The following IMPG1 variants were observed in gnomAD, a reference collection of about 807,000 sequenced individuals.
IMPG1 encodes the protein interphotoreceptor matrix proteoglycan of 150 kDa.
Under a neutral mutation model 92.0 loss-of-function variants are expected in IMPG1, and 85 were observed. The ratio of observed to expected loss-of-function variants is 0.92; its 90% CI spans 0.78 to 1.11. IMPG1 has a LOEUF of 1.11. IMPG1 is among the 50% of genes least tolerant of loss of function. The probability of loss-of-function intolerance (pLI) is 0.00; values close to 1 mark genes in which losing one functional copy is unlikely to be tolerated. For synonymous variants in IMPG1, 367 were observed against 334.1 expected, an observed-to-expected ratio of 1.10 and a Z score of -1.08; for missense variants, 1,022 against 956.0, an observed-to-expected ratio of 1.07 and a Z score of -0.91.
intron 13 of IMPG1, among the ~76,000 whole-genome samples, chr6:75,949,101 A>G (rs111606354): frequency 0.017 from 2,649 of 152,332 alleles, 92 homozygotes; most frequent in African/African-American, 0.059. Flanking sequence ...GCAGCTTAGC[A>G]TGAACCCTAA....
intron 15 of IMPG1, among the ~76,000 whole-genome samples, chr6:75,924,581 TATA>T (rs1781498425): frequency 2.9e-5 from 1 of 34,940 alleles, no homozygotes; most frequent in Non-Finnish European, 5.9e-5. Context: ...ATATAATTAA[TATA>T]ATTATATATT....
chr6:76,003,969 A>G lies in IMPG1; in HGVS notation c.1136-19T>C. The G allele has an allele frequency of 2.5e-6, 4 of 1,589,128 alleles. No individual in the cohort carries two copies. Among genetic ancestry groups the G allele is most frequent in the Non-Finnish European group, 3.4e-6 (4 of 1,160,118 alleles). On this transcript the variant is annotated intron_variant, in intron 10 of 16. Coordinates refer to ENST00000369950, the MANE Select transcript of IMPG1 (RefSeq NM_001563.4). ...GCAATTTCTATGGGTAAAAAATCAC[A>G]AGATTTGAATGTATCTTTCCTTTTT...
intron 13 of IMPG1, among the ~76,000 whole-genome samples, chr6:75,950,345 G>T (rs769235815): frequency 2.0e-5 from 3 of 152,114 alleles, no homozygotes; most frequent in Non-Finnish European, 4.4e-5. Context: ...TTACAGATTG[G>T]GTGGCGGTGT....
At chr6:76,041,866 G>T (rs768191973) in intron 2 of IMPG1, 27 bp downstream of exon 2, 2 of 1,443,986 alleles carry the variant, frequency 1.4e-6, no homozygotes, top group African/African-American at 1.4e-5. Context: ...ATAACACAAG[G>T]CTAAACGGTT....
chr6:75,928,263 G>C (rs1361208010), intron 15 of IMPG1, among the ~76,000 whole-genome samples: 1 of 151,416 alleles, frequency 6.6e-6, no homozygotes, highest in Non-Finnish European at 1.5e-5. Context: ...GCAATGGCGT[G>C]ATCTTGGCTC....
chr6:76,063,657 A>G (rs1425012194), intron 1 of IMPG1, among the ~76,000 whole-genome samples: 1 of 152,204 alleles, frequency 6.6e-6, no homozygotes, highest in Non-Finnish European at 1.5e-5. Flanking sequence ...CATCCATTGA[A>G]TGACTGAGTT....
At chr6:75,998,361 T>A (rs142028039) in intron 12 of IMPG1, among the ~76,000 whole-genome samples, 2 of 152,310 alleles carry the variant, frequency 1.3e-5, no homozygotes, top group East Asian at 1.9e-4. Flanking sequence ...CCTGACCACA[T>A]GGAACATTAG....
At chr6:76,026,300 T>A (rs1456041105) in intron 4 of IMPG1, among the ~76,000 whole-genome samples, 1 of 152,140 alleles carries the variant, frequency 6.6e-6, no homozygotes, top group Non-Finnish European at 1.5e-5. Flanking sequence ...CTGCAACATT[T>A]TTTGGCGCCC....
rs1562354905 is a variant in IMPG1 at position 75,974,401 on chromosome 6, T to TTTCTTTCC, written c.1292-23308_1292-23307insGGAAAGAA. Among the ~76,000 whole-genome samples, 38 of 92,824 alleles carry TTTCTTTCC rather than the reference T, an allele frequency of 4.1e-4. 2 individuals carry two copies. The highest frequency in any genetic ancestry group is 1.5e-3 in the African/African-American group (38 of 25,810). The allele number at this position is 92,824 out of a possible 152,430, so 60.9% of individuals were successfully genotyped here. ...TTTCTTTCTTTCTTTCTTTTCTTTCTTTCCTTCCTTCCTTCCTTCCTTCCT... is the reference window on the plus strand; with the variant it reads ...TTTCTTTCTTTCTTTCTTTTCTTTCTTTCTTTCCTTCCTTCCTTCCTTCCTTCCTTCCT... On this transcript the variant is annotated intron_variant, in intron 12 of 16. Transcript: ENST00000369950.
At chr6:76,025,528 T>C (rs1021861616) in intron 4 of IMPG1, among the ~76,000 whole-genome samples, 2 of 152,186 alleles carry the variant, frequency 1.3e-5, no homozygotes, top group African/African-American at 4.8e-5. Context: ...GGTTCTGTGG[T>C]AGGCAAAGCT....
chr6:75,943,359 T>A (rs1781865649), intron 14 of IMPG1, among the ~76,000 whole-genome samples: 1 of 152,110 alleles, frequency 6.6e-6, no homozygotes, highest in African/African-American at 2.4e-5. Flanking sequence ...TAGATTAATG[T>A]CCTCCCTGGG....
In IMPG1 at chr6:76,039,356, GTT is replaced by G. The variant is rs34625575; in HGVS notation, c.301+2535_301+2536del. On this transcript the variant is annotated intron_variant, in intron 2 of 16. Transcript: ENST00000369950. ...TTAAATGTGAAAGAAAGATCTAGCTGTTTTTTTTTTTTTTTTTGGGACGGAGT... is the reference window on the plus strand; with the variant it reads ...TTAAATGTGAAAGAAAGATCTAGCTGTTTTTTTTTTTTTTTGGGACGGAGT... Among the ~76,000 whole-genome samples the G allele has an allele frequency of 8.4e-4, 112 of 133,508 alleles. No individual in the cohort carries two copies. The Middle Eastern group carries it at 0.011, about 14-fold the overall frequency. The allele number at this position is 133,508 out of a possible 152,430, so 87.6% of individuals were successfully genotyped here.
At chr6:76,013,333 A>G (rs1189377771) in intron 7 of IMPG1, among the ~76,000 whole-genome samples, 1 of 152,054 alleles carries the variant, frequency 6.6e-6, no homozygotes, top group African/African-American at 2.4e-5. Context: ...CTTGTCCTTT[A>G]CTGACACTAA....
At chr6:75,936,689 T>A (rs543273903) in intron 14 of IMPG1, among the ~76,000 whole-genome samples, 1 of 152,242 alleles carries the variant, frequency 6.6e-6, no homozygotes, top group African/African-American at 2.4e-5. Flanking sequence ...GGATGTGAGG[T>A]TGAAGAATTG....
chr6:76,018,876 A>AG lies in IMPG1; in HGVS notation c.667-19_667-18insC. The AG allele has an allele frequency of 6.4e-7, 1 of 1,568,554 alleles. No individual in the cohort carries two copies. The highest frequency in any genetic ancestry group is 8.6e-7 in the Non-Finnish European group (1 of 1,161,634). On this transcript the variant is annotated intron_variant, in intron 6 of 16. Transcript: ENST00000369950. ...TCTCTTTCCTGAGTTTAAAAAAAAAAAAAAGGACTTCTGTTAACCTAAACC... is the reference window on the plus strand; with the variant it reads ...TCTCTTTCCTGAGTTTAAAAAAAAAAGAAAAGGACTTCTGTTAACCTAAACC...
chr6:75,964,670 A>G (rs1782272796), intron 12 of IMPG1, among the ~76,000 whole-genome samples: 1 of 118,574 alleles, frequency 8.4e-6, no homozygotes, highest in Non-Finnish European at 1.7e-5. Context: ...GAGTGAGACT[A>G]GTCTCAAAAA....
chr6:76,062,532 G>A (rs1025175769), intron 1 of IMPG1, among the ~76,000 whole-genome samples: 25 of 152,168 alleles, frequency 1.6e-4, no homozygotes, highest in African/African-American at 5.8e-4. Flanking sequence ...GTTGTGTTTG[G>A]ATGGAACTAC....
At chr6:75,922,193 T>A (rs1176748449) in intron 16 of IMPG1, 27 bp from the exon 17 acceptor site, 1 of 980,832 alleles carries the variant, frequency 1.0e-6, no homozygotes, top group Non-Finnish European at 1.6e-6. Flanking sequence ...TTTAAGAACT[T>A]AAGAAATGCC....
At chr6:76,040,021 CTCTG>C (rs993312100) in intron 2 of IMPG1, among the ~76,000 whole-genome samples, 3 of 152,182 alleles carry the variant, frequency 2.0e-5, no homozygotes, top group Non-Finnish European at 2.9e-5. Context: ...AAGTGGGTCT[CTCTG>C]TCAGAGGAAA....
Sources: gnomAD v4.1 joint callset for allele counts (sites outside exome capture counted in the v4.1 genomes callset) on GRCh38, gnomAD v4.1.1 for gene constraint, MANE v1.5 for transcripts, NCBI Gene and HGNC (gene_info 2026-07-23, HGNC 2026-07-21) for gene names.